Variants in MTMR2 observed in about 807,000 individuals in gnomAD.
MTMR2 encodes myotubularin related protein 2.
Under a neutral mutation model 86.9 loss-of-function variants are expected in MTMR2, and 55 were observed. The observed-to-expected ratio is 0.63, with a 90% confidence interval of 0.51 to 0.79. The LOEUF (loss-of-function observed/expected upper bound fraction) is 0.79. Among genes scored for constraint, MTMR2 ranks in the 30% least tolerant of loss-of-function variants. The pLI is 0.00. For synonymous variants in MTMR2, 241 were observed against 266.8 expected, an observed-to-expected ratio of 0.90 and a Z score of 0.94; for missense variants, 659 against 772.3, an observed-to-expected ratio of 0.85 and a Z score of 1.74.
rs139777121 is a variant in MTMR2 at position 95,904,231 on chromosome 11, T to C, written c.81-15970A>G. ...TCCAGCAATTCTCTCCTCCAGTTACTGCATCATAAAATTTTCCCTCTCTAC... is the reference window on the plus strand; with the variant it reads ...TCCAGCAATTCTCTCCTCCAGTTACCGCATCATAAAATTTTCCCTCTCTAC... On this transcript the variant is annotated intron_variant, in intron 1 of 14. Coordinates refer to ENST00000346299, the MANE Select transcript of MTMR2 (RefSeq NM_016156.6). Among the ~76,000 whole-genome samples the C allele has an allele frequency of 1.6e-4, 24 of 152,356 alleles. No individual in the cohort carries two copies. The East Asian group carries it at 4.4e-3, about 28-fold the overall frequency.
At chr11:95,868,754 G>A (rs1328674584) in intron 2 of MTMR2, among the ~76,000 whole-genome samples, 2 of 151,816 alleles carry the variant, frequency 1.3e-5, no homozygotes, top group African/African-American at 4.8e-5. Flanking sequence ...AAGAATATAG[G>A]TGGAAAAAAA....
rs527594481 is a variant in MTMR2, at chr11:95,922,596, T to C, written c.80+1279A>G. On this transcript the variant is annotated intron_variant, in intron 1 of 14. Transcript: ENST00000346299. ...AACCATTTAGTGAGCACCTATCACATGCTGAGACTATGTTAAGTGCTGGAG... is the reference window on the plus strand; with the variant it reads ...AACCATTTAGTGAGCACCTATCACACGCTGAGACTATGTTAAGTGCTGGAG... 1.8e-3 allele frequency among the ~76,000 whole-genome samples: 271 copies of C among 151,516 alleles called. 3 individuals carry two copies. Among genetic ancestry groups the C allele is most frequent in the African/African-American group, 6.0e-3 (249 of 41,290 alleles).
At chr11:95,889,085 T>C (rs868616671) in intron 1 of MTMR2, among the ~76,000 whole-genome samples, 26 of 152,098 alleles carry the variant, frequency 1.7e-4, no homozygotes, top group Middle Eastern at 3.4e-3. Context: ...TCTTCCATTA[T>C]AAGTAATCAC....
chr11:95,906,001 G>A (rs1028691580), intron 1 of MTMR2, among the ~76,000 whole-genome samples: 1 of 152,130 alleles, frequency 6.6e-6, no homozygotes, highest in East Asian at 1.9e-4. Context: ...GAGGCAGGTG[G>A]ATCACTTGAA....
rs611020 is a variant in MTMR2, at chr11:95,834,741, C to A, written c.*549G>T. The A allele has an allele frequency of 6.2e-6, 1 of 160,142 alleles. No individual in the cohort carries two copies. Among genetic ancestry groups the A allele is most frequent in the African/African-American group, 2.4e-5 (1 of 41,508 alleles). The allele number at this position is 160,142 out of a possible 1,614,324, so 9.9% of individuals were successfully genotyped here. A position where few individuals can be genotyped will look rare whatever the true frequency, so the allele number is the denominator to read the frequency against. On this transcript the variant is annotated 3_prime_UTR_variant, in exon 15 of 15. Coordinates refer to ENST00000346299, the MANE Select transcript of MTMR2 (RefSeq NM_016156.6). ...TACTACCACACCGTAGTATCTTCAA[C>A]ACTTTGCCTTTTACTATATGAAGAA...
Position 95,889,424 on chromosome 11 carries a change from C to T in MTMR2, c.81-1163G>A, listed in dbSNP as rs565385485. Among the ~76,000 whole-genome samples, 20 of 150,860 alleles carry T rather than the reference C, an allele frequency of 1.3e-4. No individual in the cohort carries two copies. In the South Asian group the frequency reaches 2.1e-3, roughly 16 times the overall value. On this transcript the variant is annotated intron_variant, in intron 1 of 14. Coordinates refer to ENST00000346299, the MANE Select transcript of MTMR2 (RefSeq NM_016156.6). Reference sequence around the variant, plus strand: ...CTGGGATTACAGGTGTGAGCCACTGCGCCTGGCCAAACTTTCGATACCTGA... The same window carrying T: ...CTGGGATTACAGGTGTGAGCCACTGTGCCTGGCCAAACTTTCGATACCTGA...
intron 2 of MTMR2, among the ~76,000 whole-genome samples, chr11:95,878,601 T>C (rs687116): frequency 0.89 from 134,609 of 152,050 alleles, 59,924 homozygotes; most frequent in African/African-American, 0.97. Flanking sequence ...TTATTCTATA[T>C]ATCAGCTAAG....
intron 12 of MTMR2, chr11:95,839,896 A>G (rs1237736421): frequency 1.3e-5 from 2 of 152,230 alleles, no homozygotes; most frequent in East Asian, 3.8e-4. Flanking sequence ...TTTAGGTTCT[A>G]TCAAAAATAC....
intron 14 of MTMR2, among the ~76,000 whole-genome samples, 197 bp from the exon 15 acceptor site, chr11:95,835,648 T>TTCCAAAGAATA (rs1863236705): frequency 6.6e-6 from 1 of 152,028 alleles, no homozygotes; most frequent in South Asian, 2.1e-4. Context: ...CCCTGAGTAT[T>TTCCAAAGAATA]TCCAAAGAAT....
At chr11:95,882,132 A>G (rs986357986) in intron 2 of MTMR2, among the ~76,000 whole-genome samples, 11 of 152,144 alleles carry the variant, frequency 7.2e-5, no homozygotes, top group African/African-American at 2.7e-4. Flanking sequence ...GCTCTATGAG[A>G]CTCCTTAACT....
Position 95,906,326 on chromosome 11 carries a change from T to C in MTMR2, c.80+17549A>G, listed in dbSNP as rs573845799. 2.5e-3 allele frequency among the ~76,000 whole-genome samples: 376 copies of C among 152,178 alleles called. 1 individual carries two copies. The highest frequency in any genetic ancestry group is 4.6e-3 in the Non-Finnish European group (312 of 67,982). ...TACCCATTATAAAATGGGTAAAGGA[T>C]TCAATTCAACAAGAAGACTCAACTA... On this transcript the variant is annotated intron_variant, in intron 1 of 14. Transcript: ENST00000346299.
At chr11:95,873,780 T>C (rs571719887) in intron 2 of MTMR2, among the ~76,000 whole-genome samples, 19 of 152,252 alleles carry the variant, frequency 1.2e-4, no homozygotes, top group Middle Eastern at 3.4e-3. Context: ...GTCCCAGAGA[T>C]TCTGGTATGT....
intron 1 of MTMR2, among the ~76,000 whole-genome samples, chr11:95,889,133 C>CA: frequency 7.0e-6 from 1 of 143,570 alleles, no homozygotes; most frequent in South Asian, 2.2e-4. Context: ...TCCTATAGAA[C>CA]TTTTTTTTTT....
intron 1 of MTMR2, among the ~76,000 whole-genome samples, chr11:95,923,207 G>A (rs1191985612): frequency 1.3e-5 from 2 of 152,066 alleles, no homozygotes; most frequent in Non-Finnish European, 2.9e-5. Context: ...AGCCCAAGAA[G>A]GAAGAAAACT....
In MTMR2 at chr11:95,923,933, C is replaced by T. The variant is rs756912172; in HGVS notation, c.22G>A (p.Glu8Lys). 17 of 1,561,292 alleles carry T rather than the reference C, an allele frequency of 1.1e-5. No homozygotes were observed. In the East Asian group the frequency reaches 2.6e-4, roughly 24 times the overall value. The change falls in exon 1 of 15, where the codon GAG becomes AAG. Residue 8 changes from glutamate (E) to lysine (K), a missense_variant. Coordinates refer to ENST00000346299, the MANE Select transcript of MTMR2 (RefSeq NM_016156.6). ...GCCGCCGGCTGGGAGCCAAGACTCTCGCAGCTCGAGCTCTTCTCCATCGCG... is the reference window on the plus strand; with the variant it reads ...GCCGCCGGCTGGGAGCCAAGACTCTTGCAGCTCGAGCTCTTCTCCATCGCG... MEKSSSCESLGSQPAAAR... is the reference protein window; with the variant it reads MEKSSSCKSLGSQPAAAR...
chr11:95,852,324 A>C (rs573113667), intron 7 of MTMR2, among the ~76,000 whole-genome samples: 29 of 152,334 alleles, frequency 1.9e-4, no homozygotes, highest in African/African-American at 6.7e-4. Context: ...TTTATATAAA[A>C]GTACATTATT....
At chr11:95,868,934 C>G (rs1864744292) in intron 2 of MTMR2, among the ~76,000 whole-genome samples, 2 of 150,812 alleles carry the variant, frequency 1.3e-5, no homozygotes, top group South Asian at 4.2e-4. Flanking sequence ...AAAATACAAC[C>G]CAGAAATACT....
At chr11:95,855,341 G>C (rs1306882953) in intron 7 of MTMR2, among the ~76,000 whole-genome samples, 3 of 152,012 alleles carry the variant, frequency 2.0e-5, no homozygotes, top group Non-Finnish European at 4.4e-5. Context: ...CCACAGCCTT[G>C]ATCTCCCAGG....
At chr11:95,898,077 T>C (rs374144468) in intron 1 of MTMR2, among the ~76,000 whole-genome samples, 6 of 152,190 alleles carry the variant, frequency 3.9e-5, no homozygotes, top group South Asian at 2.1e-4. Flanking sequence ...ATACTACATA[T>C]GGTTTTTGTT....
Sources: allele counts gnomAD v4.1 joint callset (sites outside exome capture counted in the v4.1 genomes callset), GRCh38; gene constraint gnomAD v4.1.1; transcripts MANE v1.5; gene names NCBI Gene and HGNC (gene_info 2026-07-23, HGNC 2026-07-21).